The following IL1RAPL2 variants were observed in gnomAD, a reference collection of about 807,000 sequenced individuals.
IL1RAPL2 encodes X-linked interleukin-1 receptor accessory protein-like 2.
In IL1RAPL2, 3 loss-of-function variants were observed where a neutral mutation model predicts 44.1. That is an observed-to-expected ratio of 0.07 (90% CI 0.03 to 0.18). The LOEUF (loss-of-function observed/expected upper bound fraction) is 0.18, where lower values mean the gene tolerates loss of function less well. Ranked by LOEUF, IL1RAPL2 falls within the 10% of genes least tolerant of loss-of-function variation. The pLI is 1.00. For synonymous variants in IL1RAPL2, 181 were observed against 178.8 expected (o/e 1.01, Z -0.10); for missense variants, 391 against 496.4 (o/e 0.79, Z 2.02).
intron 2 of IL1RAPL2, among the ~76,000 whole-genome samples, chrX:105,114,353 G>C (rs753482715): frequency 4.5e-5 from 5 of 111,919 alleles, no homozygotes; most frequent in Non-Finnish European, 7.5e-5. Flanking sequence ...CCCAGTTTAT[G>C]GTATTTTATT....
chrX:105,268,603 T>TA lies in IL1RAPL2; in HGVS notation c.697+1078dup, dbSNP rs5903263. On this transcript the variant is annotated intron_variant, in intron 5 of 10. Transcript: ENST00000372582. ...CAACATGGGGAAACCCTGTCTCTACTAAAAAAAAAAAAAAAATTAGCCAGG... is the reference window on the plus strand; with the variant it reads ...CAACATGGGGAAACCCTGTCTCTACTAAAAAAAAAAAAAAAAATTAGCCAGG... Among the ~76,000 whole-genome samples the TA allele has an allele frequency of 8.5e-4, 79 of 92,785 alleles. 1 individual carries two copies. The highest frequency in any genetic ancestry group is 0.011 in the Middle Eastern group (2 of 178). The allele number at this position is 92,785 out of a possible 115,157, so 80.6% of individuals were successfully genotyped here.
At chrX:105,646,264 G>T (rs1282835793) in intron 6 of IL1RAPL2, among the ~76,000 whole-genome samples, 1 of 111,764 alleles carries the variant, frequency 8.9e-6, no homozygotes, top group African/African-American at 3.3e-5. Flanking sequence ...ATTTGTCAGT[G>T]ATTTTGTGTA....
chrX:104,900,882 C>T (rs868216217), intron 2 of IL1RAPL2, among the ~76,000 whole-genome samples: 4 of 111,466 alleles, frequency 3.6e-5, no homozygotes, highest in Non-Finnish European at 7.5e-5. Flanking sequence ...TAGGGAGAGA[C>T]GAAGGAATGG....
intron 2 of IL1RAPL2, among the ~76,000 whole-genome samples, chrX:104,737,377 G>C (rs1183337846): frequency 1.8e-5 from 2 of 112,340 alleles, no homozygotes; most frequent in Non-Finnish European, 3.8e-5. Context: ...GCTGAAATAA[G>C]AAGTTATTCA....
intron 6 of IL1RAPL2, among the ~76,000 whole-genome samples, chrX:105,666,934 T>A (rs2037775906): frequency 8.9e-6 from 1 of 111,882 alleles, no homozygotes; most frequent in Non-Finnish European, 1.9e-5. Context: ...CATCACGCGC[T>A]GTTGGCTCAT....
chrX:105,372,415 G>A (rs765859767), intron 5 of IL1RAPL2, among the ~76,000 whole-genome samples: 8 of 103,331 alleles, frequency 7.7e-5, no homozygotes, highest in South Asian at 8.9e-4. Flanking sequence ...CAGCCTAGGC[G>A]ACAGAGTGAG....
intron 6 of IL1RAPL2, among the ~76,000 whole-genome samples, chrX:105,596,296 C>A (rs986191326): frequency 9.1e-6 from 1 of 109,593 alleles, no homozygotes; most frequent in African/African-American, 3.3e-5. Flanking sequence ...AAAATGCTTT[C>A]TTAAAACTGG....
At chrX:105,247,293 T>C (rs2147644759) in intron 4 of IL1RAPL2, among the ~76,000 whole-genome samples, 1 of 111,143 alleles carries the variant, frequency 9.0e-6, no homozygotes, top group East Asian at 2.8e-4. Flanking sequence ...TTCTGACATC[T>C]AGTGTTCTCA....
At position 104,797,442 on chromosome X, in the gene IL1RAPL2, A is replaced by G. The variant is rs773343598; in HGVS notation, c.82+138447A>G. ...AGGTGTTTTTTGTTTGTTTTCAGAA[A>G]AGGGCTTCTATGGTCAAATAAATTG... On this transcript the variant is annotated intron_variant, in intron 2 of 10. Transcript: ENST00000372582. Among the ~76,000 whole-genome samples, 3 of 111,096 alleles carry G rather than the reference A, an allele frequency of 2.7e-5. No homozygotes were observed. In the South Asian group the frequency reaches 1.2e-3, roughly 43 times the overall value.
At chrX:104,809,635 G>T (rs1932957033) in intron 2 of IL1RAPL2, among the ~76,000 whole-genome samples, 1 of 109,324 alleles carries the variant, frequency 9.1e-6, no homozygotes, top group Non-Finnish European at 1.9e-5. Flanking sequence ...TTAGCCCTTT[G>T]TCAGATGAGT....
At chrX:105,222,573 G>A (rs782797232) in intron 3 of IL1RAPL2, among the ~76,000 whole-genome samples, 2 of 112,111 alleles carry the variant, frequency 1.8e-5, no homozygotes, top group Non-Finnish European at 3.8e-5. Flanking sequence ...AGAGAATGGT[G>A]AGGAAAGGGG....
intron 2 of IL1RAPL2, among the ~76,000 whole-genome samples, chrX:105,192,923 A>G (rs190982607): frequency 0.01 from 1,148 of 112,228 alleles, 27 homozygotes; most frequent in African/African-American, 0.035. Context: ...AGTCAAATAC[A>G]TATTGCTCAC....
chrX:105,074,967 T>C (rs1202421020), intron 2 of IL1RAPL2, among the ~76,000 whole-genome samples: 1 of 111,389 alleles, frequency 9.0e-6, no homozygotes. Flanking sequence ...TTTCTAGATA[T>C]ACAATCATGT....
chrX:105,082,587 AG>A lies in IL1RAPL2; in HGVS notation c.83-112887del, dbSNP rs975134911. Among the ~76,000 whole-genome samples, 5 of 111,155 alleles carry A rather than the reference AG, an allele frequency of 4.5e-5. No homozygotes were observed. In the Admixed American group the frequency reaches 4.8e-4, roughly 11 times the overall value. ...TCTGGTGGGTGCCCCTCTGGGTTGA[AG>A]CTTCTAGAGGAAAGAACAGGCAGCA... is the stretch of plus-strand genomic sequence containing the variant. On this transcript the variant is annotated intron_variant, in intron 2 of 10. Transcript: ENST00000372582.
intron 2 of IL1RAPL2, among the ~76,000 whole-genome samples, chrX:104,895,019 C>T (rs960501969): frequency 8.9e-6 from 1 of 112,830 alleles, no homozygotes; most frequent in Non-Finnish European, 1.9e-5. Context: ...GGACCCTCAG[C>T]TGCAGGTCTG....
Position 104,583,997 on chromosome X carries a change from G to A in IL1RAPL2, c.-20+16946G>A, listed in dbSNP as rs192676219. On this transcript the variant is annotated intron_variant, in intron 1 of 10. Coordinates refer to ENST00000372582, the MANE Select transcript of IL1RAPL2 (RefSeq NM_017416.2). ...AAGGTATGCTAGAGCTGGAATGAAC[G>A]TGGAGTCCCGGGTTCCTCAAAGTGT... 5.4e-4 allele frequency among the ~76,000 whole-genome samples: 60 copies of A among 111,319 alleles called. No homozygotes were observed. In the East Asian group the frequency reaches 7.1e-3, roughly 13 times the overall value.
chrX:105,488,457 A>G (rs2036286556), intron 6 of IL1RAPL2, among the ~76,000 whole-genome samples: 1 of 112,301 alleles, frequency 8.9e-6, no homozygotes, highest in African/African-American at 3.2e-5. Flanking sequence ...GGCTTATGCC[A>G]TGTAGATCAC....
chrX:104,727,240 TAAC>T (rs1422227073), intron 2 of IL1RAPL2, among the ~76,000 whole-genome samples: 2 of 110,502 alleles, frequency 1.8e-5, no homozygotes, highest in Non-Finnish European at 3.8e-5. Flanking sequence ...AATGTCTCAA[TAAC>T]AACAACAAAA....
At chrX:105,078,700 C>T (rs759523466) in intron 2 of IL1RAPL2, among the ~76,000 whole-genome samples, 16 of 100,577 alleles carry the variant, frequency 1.6e-4, no homozygotes, top group East Asian at 9.6e-4. Flanking sequence ...GCTTCCTGGC[C>T]GCTTTGTTTA....
Sources: gnomAD v4.1 joint callset for allele counts (sites outside exome capture counted in the v4.1 genomes callset) on GRCh38, gnomAD v4.1.1 for gene constraint, MANE v1.5 for transcripts, NCBI Gene and HGNC (gene_info 2026-07-23, HGNC 2026-07-21) for gene names.